Variants in CELF2 observed in about 807,000 individuals in gnomAD.
CELF2 encodes CUGBP Elav-like family member 2.
In CELF2, 8 loss-of-function variants were observed where a neutral mutation model predicts 62.6. That is an observed-to-expected ratio of 0.13 (90% CI 0.07 to 0.23). The LOEUF is 0.23. CELF2 is among the 10% of genes least tolerant of loss of function. The pLI is 1.00. For missense variants in CELF2, 333 were observed against 671.0 expected (o/e 0.50, Z 5.56); for synonymous variants, 258 against 250.0 (o/e 1.03, Z -0.30).
At chr10:10,605,166 C>T in the CELF2 span, among the ~76,000 whole-genome samples, 1 of 151,804 alleles carries the variant, frequency 6.6e-6, no homozygotes, top group Non-Finnish European at 1.5e-5. Flanking sequence ...CAAACTGATG[C>T]AGGAAAAGAA....
rs1054398459 is a variant in CELF2, at chr10:11,300,942, T to C, written c.976+12390T>C. Among the ~76,000 whole-genome samples, 10 of 152,334 alleles carry C rather than the reference T, an allele frequency of 6.6e-5. No individual in the cohort carries two copies. The highest frequency in any genetic ancestry group is 2.4e-4 in the African/African-American group (10 of 41,578). ...CCGAAGGCAAATTCTTGCTGTCTTCTGTTAATGTTGTTTTGTTGCAGCTTT... is the reference window on the plus strand; with the variant it reads ...CCGAAGGCAAATTCTTGCTGTCTTCCGTTAATGTTGTTTTGTTGCAGCTTT... On this transcript the variant is annotated intron_variant, in intron 9 of 12. Transcript: ENST00000633077. The surrounding 1 kb of genome is among the most constrained non-coding windows in gnomAD (Gnocchi z 5.5).
the CELF2 span, among the ~76,000 whole-genome samples, chr10:10,562,396 A>G: frequency 6.6e-6 from 1 of 152,210 alleles, no homozygotes; most frequent in Non-Finnish European, 1.5e-5. Context: ...ATTTACTATG[A>G]TGTCTAAGAA....
At chr10:10,657,969 T>C in the CELF2 span, among the ~76,000 whole-genome samples, 1 of 152,180 alleles carries the variant, frequency 6.6e-6, no homozygotes, top group African/African-American at 2.4e-5. Flanking sequence ...CGCTGAGTTG[T>C]AAAATGAAAG....
the CELF2 span, among the ~76,000 whole-genome samples, chr10:10,701,340 A>G: frequency 3.3e-5 from 5 of 152,232 alleles, no homozygotes; most frequent in Admixed American, 6.5e-5. Context: ...CCAAATGTCA[A>G]TTACTGGAAG....
the CELF2 span, among the ~76,000 whole-genome samples, chr10:10,705,644 T>TC: frequency 6.6e-6 from 1 of 152,066 alleles, no homozygotes; most frequent in Admixed American, 6.6e-5. Context: ...TTTGTATCTT[T>TC]CCCCCCAAAA....
chr10:10,927,380 T>A (rs1377931514), intron 2 of CELF2: 1 of 143,690 alleles, frequency 7.0e-6, no homozygotes, highest in African/African-American at 2.8e-5. Flanking sequence ...CTTTTTCTGT[T>A]CTCAGACTTA....
intron 9 of CELF2, among the ~76,000 whole-genome samples, chr10:11,299,714 C>T (rs552035172): frequency 1.3e-5 from 2 of 152,138 alleles, no homozygotes; most frequent in Non-Finnish European, 2.9e-5. Flanking sequence ...CACCGCACCA[C>T]GAGACAGTCC....
At chr10:11,004,443 GTGT>G (rs1243473835), upstream of CELF2, among the ~76,000 whole-genome samples, 1 of 151,914 alleles carries the variant, frequency 6.6e-6, no homozygotes, top group Admixed American at 6.6e-5. This position sits in a 1 kb window ranked among gnomAD's most constrained non-coding sequence, Gnocchi z 5.0. Context: ...GTGTGTGTGT[GTGT>G]TGTTATTTTA....
At chr10:11,101,844 T>A (rs2051752100) in intron 1 of CELF2, among the ~76,000 whole-genome samples, 2 of 152,238 alleles carry the variant, frequency 1.3e-5, no homozygotes, top group African/African-American at 4.8e-5. Context: ...TATGGAATTA[T>A]AATGATCTGT....
chr10:10,665,413 T>C, the CELF2 span, among the ~76,000 whole-genome samples: 1 of 152,148 alleles, frequency 6.6e-6, no homozygotes. Flanking sequence ...AATATATATA[T>C]ATAAATGTAT....
chr10:10,628,758 C>A, the CELF2 span, among the ~76,000 whole-genome samples: 2 of 151,988 alleles, frequency 1.3e-5, no homozygotes, highest in African/African-American at 2.4e-5. Context: ...TGCAGCACAC[C>A]AACATGGCAC....
At chr10:10,870,912 TA>T (rs2060699792) in intron 1 of CELF2, among the ~76,000 whole-genome samples, 1 of 152,162 alleles carries the variant, frequency 6.6e-6, no homozygotes, top group African/African-American at 2.4e-5. Context: ...TTATTTTCTC[TA>T]GACATTACCG....
chr10:11,214,017 C>T lies in CELF2; in HGVS notation c.272-3408C>T, dbSNP rs1056745142. On this transcript the variant is annotated intron_variant, in intron 2 of 12. Transcript: ENST00000633077. This position sits in a 1 kb window ranked among gnomAD's most constrained non-coding sequence, Gnocchi z 4.2. ...GATGAGACTAGGCCGGGCACAGTAG[C>T]TCATGCCTATAGTCTAAGGGCTTTG... 3.7e-4 allele frequency among the ~76,000 whole-genome samples: 56 copies of T among 152,322 alleles called. No individual in the cohort carries two copies. The highest frequency in any genetic ancestry group is 1.2e-3 in the African/African-American group (50 of 41,572).
rs61465252 is a variant in CELF2, at chr10:10,807,665, G to T, written c.53+8848G>T. On this transcript the variant is annotated intron_variant, in intron 1 of 13. Coordinates refer to the CELF2 transcript ENST00000636488. Reference sequence around the variant, plus strand: ...TTTTGGATGACAGATAGCTTAAGACGAAAGGAAAAGGAATTTTCTGCTATC... The same window carrying T: ...TTTTGGATGACAGATAGCTTAAGACTAAAGGAAAAGGAATTTTCTGCTATC... Among the ~76,000 whole-genome samples, 742 of 152,158 alleles carry T rather than the reference G, an allele frequency of 4.9e-3. 2 individuals are homozygous for T. The highest frequency in any genetic ancestry group is 0.017 in the African/African-American group (694 of 41,522).
chr10:11,312,841 G>A (rs994162234), intron 9 of CELF2, among the ~76,000 whole-genome samples: 3 of 152,350 alleles, frequency 2.0e-5, no homozygotes, highest in African/African-American at 7.2e-5. Flanking sequence ...GGCTGAGGCA[G>A]GAGAATCACT....
At chr10:10,471,017 A>G in the CELF2 span, among the ~76,000 whole-genome samples, 1 of 150,516 alleles carries the variant, frequency 6.6e-6, no homozygotes, top group African/African-American at 2.4e-5. Flanking sequence ...GCTTTTTTTC[A>G]TTGATTTTTG....
chr10:10,767,182 C>G, the CELF2 span, among the ~76,000 whole-genome samples: 1 of 152,142 alleles, frequency 6.6e-6, no homozygotes, highest in East Asian at 1.9e-4. Context: ...TTCGGTTGAT[C>G]ATAAATCACC....
intron 1 of CELF2, among the ~76,000 whole-genome samples, chr10:11,020,789 C>T (rs2058187797): frequency 6.6e-6 from 1 of 152,280 alleles, no homozygotes; most frequent in South Asian, 2.1e-4. Flanking sequence ...CGCTTGATAG[C>T]CCCACGAGCT....
At chr10:11,124,470 A>G (rs1400638588) in intron 1 of CELF2, among the ~76,000 whole-genome samples, 1 of 152,232 alleles carries the variant, frequency 6.6e-6, no homozygotes, top group Non-Finnish European at 1.5e-5. Context: ...CATTACAAAG[A>G]TGAATGTAAT....
Sources: allele counts gnomAD v4.1 joint callset (sites outside exome capture counted in the v4.1 genomes callset), GRCh38; gene constraint gnomAD v4.1.1; non-coding constraint Gnocchi (gnomAD v3.1); transcripts MANE v1.5; gene names NCBI Gene and HGNC (gene_info 2026-07-23, HGNC 2026-07-21).